HGSNAT: variants seen among roughly 807,000 people sequenced by gnomAD.
The protein encoded by HGSNAT is transmembrane protein 76.
A neutral mutation model predicts 85.2 loss-of-function variants in HGSNAT; 59 were observed. The ratio of observed to expected loss-of-function variants is 0.69; its 90% CI spans 0.56 to 0.86. The LOEUF is 0.86. HGSNAT is among the 40% of genes least tolerant of loss of function. The pLI, the probability that HGSNAT is intolerant of heterozygous loss-of-function variation, is 0.00. For missense variants in HGSNAT, 756 were observed against 777.1 expected, an observed-to-expected ratio of 0.97 and a Z score of 0.32; for synonymous variants, 321 against 304.5, an observed-to-expected ratio of 1.05 and a Z score of -0.56.
chr8:43,154,009 G>T (rs1197525920), intron 2 of HGSNAT, among the ~76,000 whole-genome samples: 1 of 152,046 alleles, frequency 6.6e-6, no homozygotes, highest in Non-Finnish European at 1.5e-5. Context: ...ATTAAACATG[G>T]GAGTACAAGT....
At chr8:43,164,966 T>C (rs909230127) in intron 5 of HGSNAT, among the ~76,000 whole-genome samples, 4 of 151,726 alleles carry the variant, frequency 2.6e-5, no homozygotes, top group Non-Finnish European at 2.9e-5. Context: ...ATTGACCTTA[T>C]TGACCTCCCA....
At position 43,150,644 on chromosome 8, in the gene HGSNAT, C is replaced by T. The variant is rs191742850; in HGVS notation, c.234+3581C>T. On this transcript the variant is annotated intron_variant, in intron 2 of 17. Coordinates refer to ENST00000379644, the MANE Select transcript of HGSNAT (RefSeq NM_152419.3). ...GTCAGGAGATCGAGACCATCCTGGC[C>T]AACACGGTGAAACCCTGTCTCTACT... Among the ~76,000 whole-genome samples, 559 of 152,050 alleles carry T rather than the reference C, an allele frequency of 3.7e-3. 3 individuals are homozygous for T. Among genetic ancestry groups the T allele is most frequent in the South Asian group, 0.024 (114 of 4,814 alleles).
rs184838106 is a variant in HGSNAT, at chr8:43,181,221, G to C, written c.1013-924G>C. ...AGAGGGAGAGGGAGAGGGAGAGGGAGAGGGAGAGGGAGAGCATTTCATCAG... is the reference window on the plus strand; with the variant it reads ...AGAGGGAGAGGGAGAGGGAGAGGGACAGGGAGAGGGAGAGCATTTCATCAG... On this transcript the variant is annotated intron_variant, in intron 10 of 17. Coordinates refer to ENST00000379644, the MANE Select transcript of HGSNAT (RefSeq NM_152419.3). Among the ~76,000 whole-genome samples the C allele has an allele frequency of 1.7e-3, 209 of 125,606 alleles. 16 individuals are homozygous for C. Among genetic ancestry groups the C allele is most frequent in the African/African-American group, 5.7e-3 (185 of 32,350 alleles). 82.4% of individuals were successfully genotyped at this position (125,606 alleles called of 152,430 possible).
intron 2 of HGSNAT, among the ~76,000 whole-genome samples, chr8:43,158,160 G>A (rs1273812868): frequency 6.6e-6 from 1 of 151,934 alleles, no homozygotes; most frequent in South Asian, 2.1e-4. Context: ...GTGCAGTGGC[G>A]TGATCTCAGC....
chr8:43,149,523 C>A (rs1395836739), intron 2 of HGSNAT, among the ~76,000 whole-genome samples: 1 of 151,988 alleles, frequency 6.6e-6, no homozygotes, highest in Non-Finnish European at 1.5e-5. Flanking sequence ...ACCGTGAAAC[C>A]CCGTCTCTAC....
intron 2 of HGSNAT, among the ~76,000 whole-genome samples, chr8:43,158,005 C>A (rs964746457): frequency 2.6e-5 from 4 of 152,050 alleles, no homozygotes; most frequent in Non-Finnish European, 5.9e-5. Flanking sequence ...TTATGCAAGA[C>A]TTAATGCAAG....
chr8:43,154,941 A>G (rs991101332), intron 2 of HGSNAT, among the ~76,000 whole-genome samples: 54 of 152,302 alleles, frequency 3.5e-4, no homozygotes, highest in Admixed American at 2.4e-3. Context: ...TCTGATGGCC[A>G]GTGATGATGA....
chr8:43,202,568 AT>A lies in HGSNAT; in HGVS notation c.*3001del, dbSNP rs1804950417. On this transcript the variant is annotated 3_prime_UTR_variant, in exon 18 of 18. Transcript: ENST00000379644. Reference sequence around the variant, plus strand: ...CTAAGTAATGGAGCAAAAAAATTCTATTCTGTAGAATGGGGAGAGAAAATGT... The same window carrying A: ...CTAAGTAATGGAGCAAAAAAATTCTATCTGTAGAATGGGGAGAGAAAATGT... 1 of 152,180 alleles carries A rather than the reference AT, an allele frequency of 6.6e-6. No homozygotes were observed. Among genetic ancestry groups the A allele is most frequent in the Admixed American group, 6.5e-5 (1 of 15,288 alleles). 9.4% of individuals were successfully genotyped at this position (152,180 alleles called of 1,614,324 possible). A position where few individuals can be genotyped will look rare whatever the true frequency, so the allele number is the denominator to read the frequency against.
intron 13 of HGSNAT, 100 bp downstream of exon 13, chr8:43,192,530 A>T (rs1410162848): frequency 7.8e-7 from 1 of 1,281,536 alleles, no homozygotes; most frequent in African/African-American, 1.5e-5. Flanking sequence ...CCATTTAAGA[A>T]AACACACTGA....
chr8:43,148,097 C>T (rs765158967), intron 2 of HGSNAT, among the ~76,000 whole-genome samples: 7 of 151,800 alleles, frequency 4.6e-5, no homozygotes, highest in East Asian at 1.9e-4. Flanking sequence ...ACAAAATTAC[C>T]GGGCATGGTG....
At chr8:43,192,246 G>A in intron 12 of HGSNAT, 58 bp from the exon 13 acceptor site, 1 of 1,545,844 alleles carries the variant, frequency 6.5e-7, no homozygotes, top group Non-Finnish European at 8.7e-7. Flanking sequence ...TTTTATTCTT[G>A]TCCCTCTGTT....
At chr8:43,172,778 C>T (rs138687128) in intron 8 of HGSNAT, among the ~76,000 whole-genome samples, 88 of 152,250 alleles carry the variant, frequency 5.8e-4, no homozygotes, top group African/African-American at 1.5e-3. Context: ...TTTGAGATGG[C>T]GTTGAACTAG....
At position 43,195,683 on chromosome 8, in the gene HGSNAT, TGAG is replaced by T. The variant is rs371600587; in HGVS notation, c.1465-1254_1465-1252del. On this transcript the variant is annotated intron_variant, in intron 14 of 17. Transcript: ENST00000379644. ...AGGAGGAGGAGGGTGAGGGTGTGGA[TGAG>T]GAGGAGGAGGGTGTGGAGGAGGAGG... The T allele has an allele frequency of 6.9e-3, 66 of 9,612 alleles. 1 individual carries two copies. Among genetic ancestry groups the T allele is most frequent in the Non-Finnish European group, 8.2e-3 (37 of 4,498 alleles). 0.6% of individuals were successfully genotyped at this position (9,612 alleles called of 1,614,324 possible).
At chr8:43,191,814 T>G (rs550271662) in intron 12 of HGSNAT, among the ~76,000 whole-genome samples, 28 of 152,244 alleles carry the variant, frequency 1.8e-4, no homozygotes, top group Non-Finnish European at 3.8e-4. Flanking sequence ...CCTCCCACCT[T>G]CATAGTGTGG....
intron 5 of HGSNAT, among the ~76,000 whole-genome samples, chr8:43,168,612 G>C (rs768357493): frequency 1.3e-5 from 2 of 151,626 alleles, no homozygotes; most frequent in Non-Finnish European, 2.9e-5. Flanking sequence ...GGCCAGGCTG[G>C]TCTCGAACTC....
At chr8:43,197,151 C>T in intron 15 of HGSNAT, 126 bp downstream of exon 15, 1 of 675,538 alleles carries the variant, frequency 1.5e-6, no homozygotes, top group Admixed American at 2.3e-5. Context: ...CCATTTTCTT[C>T]ACTTGAATAA....
At chr8:43,190,929 C>T (rs1378830316) in intron 11 of HGSNAT, among the ~76,000 whole-genome samples, 2 of 152,148 alleles carry the variant, frequency 1.3e-5, no homozygotes, top group Admixed American at 1.3e-4. Flanking sequence ...CTCCCCCAGC[C>T]CCAGGCAACC....
chr8:43,169,412 C>T (rs929477640), intron 6 of HGSNAT, among the ~76,000 whole-genome samples, 170 bp downstream of exon 6: 7 of 152,204 alleles, frequency 4.6e-5, no homozygotes, highest in African/African-American at 1.7e-4. Flanking sequence ...CTGGGAAGGG[C>T]TCCATCCCTT....
intron 1 of HGSNAT, among the ~76,000 whole-genome samples, chr8:43,141,469 G>C (rs913019829): frequency 5.9e-5 from 9 of 152,056 alleles, no homozygotes; most frequent in African/African-American, 2.2e-4. Context: ...CAGATTCCAG[G>C]TCTCCATCTA....
Sources: gnomAD v4.1 joint callset for allele counts (sites outside exome capture counted in the v4.1 genomes callset) on GRCh38, gnomAD v4.1.1 for gene constraint, MANE v1.5 for transcripts, NCBI Gene and HGNC (gene_info 2026-07-23, HGNC 2026-07-21) for gene names.